Variants in DCAF6 observed in about 807,000 individuals in gnomAD.
DCAF6 encodes DDB1- and CUL4-associated factor 6.
DCAF6 carries 54 observed loss-of-function variants against 125.1 expected under a neutral mutation model. That is an observed-to-expected ratio of 0.43 (90% CI 0.35 to 0.54). The LOEUF is 0.54. DCAF6 is among the 20% of genes least tolerant of loss of function. The probability of loss-of-function intolerance (pLI) is 0.01; values close to 1 mark genes in which losing one functional copy is unlikely to be tolerated. For synonymous variants in DCAF6, 371 were observed against 390.4 expected (o/e 0.95, Z 0.58); for missense variants, 934 against 1,161.7 (o/e 0.80, Z 2.85).
the DCAF6 span, among the ~76,000 whole-genome samples, chr1:167,909,663 G>A: frequency 6.6e-6 from 1 of 152,062 alleles, no homozygotes; most frequent in Non-Finnish European, 1.5e-5. Context: ...CCGAAAGATT[G>A]GATACCCCTG....
At chr1:167,977,226 T>TA (rs1478907561) in intron 4 of DCAF6, among the ~76,000 whole-genome samples, 51 of 150,964 alleles carry the variant, frequency 3.4e-4, no homozygotes, top group Non-Finnish European at 6.3e-4. Context: ...TTTTTTTTTT[T>TA]ACATGAGAGT....
chr1:167,921,871 C>G, the DCAF6 span, among the ~76,000 whole-genome samples: 7 of 151,992 alleles, frequency 4.6e-5, no homozygotes, highest in Admixed American at 6.6e-5. Flanking sequence ...ATATTTATAT[C>G]CTTTAGGTTA....
chr1:167,880,183 G>A, the DCAF6 span: 2 of 1,612,794 alleles, frequency 1.2e-6, no homozygotes, highest in South Asian at 1.1e-5. Context: ...AACACCGATG[G>A]ATACAGTTCT....
At chr1:167,880,872 A>G in the DCAF6 span, among the ~76,000 whole-genome samples, 1 of 151,998 alleles carries the variant, frequency 6.6e-6, no homozygotes, top group South Asian at 2.1e-4. Context: ...GCTTCGGCCT[A>G]CTCTCTCCTG....
Position 168,045,118 on chromosome 1 carries a change from G to C in DCAF6, c.2149G>C (p.Ala717Pro). 1.2e-6 allele frequency: 2 copies of C among 1,613,998 alleles called. No individual in the cohort carries two copies. The highest frequency in any genetic ancestry group is 1.7e-6 in the Non-Finnish European group (2 of 1,179,936). ...CCAAACAGAAGCCACTGGGCCTTCAGCTCATGAAGAAACATCCACCAGGGA... is the reference window on the plus strand; with the variant it reads ...CCAAACAGAAGCCACTGGGCCTTCACCTCATGAAGAAACATCCACCAGGGA... ...QFQTEATGPS[A>P]HEETSTRDSA... The change falls in exon 16 of 22, where the codon GCT (alanine) becomes CCT (proline). Residue 717 changes from alanine to proline, a missense_variant. By Grantham distance (27) the Ala-to-Pro change is conservative. Around this residue, in one of 5 missense-constraint regions of DCAF6, gnomAD observed 559 missense variants for 635.5 expected, o/e 0.88. Transcript: ENST00000367840.
the DCAF6 span, among the ~76,000 whole-genome samples, chr1:167,910,699 G>T: frequency 4.5e-3 from 686 of 152,266 alleles, 8 homozygotes; most frequent in East Asian, 0.056. Context: ...TGTTCCGTAG[G>T]CATGGGTGCT....
intron 21 of DCAF6, among the ~76,000 whole-genome samples, chr1:168,068,976 A>G (rs1692707286): frequency 6.6e-6 from 1 of 152,232 alleles, no homozygotes; most frequent in African/African-American, 2.4e-5. Flanking sequence ...AGTATCTGTT[A>G]TAAGCAGAAT....
the DCAF6 span, among the ~76,000 whole-genome samples, chr1:167,869,729 C>T: frequency 6.6e-6 from 1 of 152,206 alleles, no homozygotes; most frequent in African/African-American, 2.4e-5. Context: ...CAATCGATCA[C>T]GACCCTCTCA....
At chr1:168,042,999 A>C in intron 13 of DCAF6, 26 bp from the exon 14 acceptor site, 2 of 1,511,658 alleles carry the variant, frequency 1.3e-6, no homozygotes, top group Non-Finnish European at 1.8e-6. Flanking sequence ...TTCTTGGTGG[A>C]ATCACTTATC....
chr1:167,871,702 C>A, the DCAF6 span, among the ~76,000 whole-genome samples: 19 of 152,294 alleles, frequency 1.2e-4, no homozygotes, highest in African/African-American at 4.6e-4. Flanking sequence ...GTTGAAGGAC[C>A]ATTAATTCAA....
At position 167,987,481 on chromosome 1, in the gene DCAF6, C is replaced by T; in HGVS notation, c.439-14C>T. On this transcript the variant is annotated splice_polypyrimidine_tract_variant and intron_variant, in intron 4 of 21. Transcript: ENST00000367840. ...TGTTCGTATGATTATCTGCACTTTT[C>T]TTTTCATCTTCAGATTATGACTGTA... 7.7e-7 allele frequency: 1 copy of T among 1,295,152 alleles called. No homozygotes were observed. The highest frequency in any genetic ancestry group is 1.1e-6 in the Non-Finnish European group (1 of 899,882). 80.2% of individuals were successfully genotyped at this position (1,295,152 alleles called of 1,614,324 possible). A position where few individuals can be genotyped will look rare whatever the true frequency, so the allele number is the denominator to read the frequency against.
Position 168,038,327 on chromosome 1 carries a change from C to A in DCAF6, c.1610-44C>A, listed in dbSNP as rs759267481. On this transcript the variant is annotated intron_variant, in intron 12 of 21. Transcript: ENST00000367840. ...AATTTTAGGAAATGTCATCTTTTTA[C>A]TGGTTTCAGAGACTTTTTCAAATGT... 1.1e-5 allele frequency: 16 copies of A among 1,393,152 alleles called. No homozygotes were observed. The East Asian group carries it at 3.5e-4, about 30-fold the overall frequency. The allele number at this position is 1,393,152 out of a possible 1,614,324, so 86.3% of individuals were successfully genotyped here.
intron 2 of DCAF6, among the ~76,000 whole-genome samples, chr1:167,963,084 AC>A (rs1169514231): frequency 6.6e-6 from 1 of 151,830 alleles, no homozygotes; most frequent in Non-Finnish European, 1.5e-5. Context: ...ACATGGTGAA[AC>A]CCTGGCTCTA....
upstream of DCAF6, chr1:167,935,991 G>A: frequency 4.6e-6 from 3 of 647,964 alleles, no homozygotes; most frequent in South Asian, 1.9e-5. Context: ...TTCCCTGCCC[G>A]CTGTGAACCG....
chr1:168,022,718 G>A (rs1416938055), intron 11 of DCAF6, among the ~76,000 whole-genome samples: 1 of 152,200 alleles, frequency 6.6e-6, no homozygotes, highest in African/African-American at 2.4e-5. Flanking sequence ...CTTGCACCTT[G>A]TGCCTCTGGT....
In DCAF6 at chr1:168,044,679, G is replaced by T. The variant is rs1434123276; in HGVS notation, c.1930+8G>T. 1 of 1,595,630 alleles carries T rather than the reference G, an allele frequency of 6.3e-7. No individual in the cohort carries two copies. ...AGAACCATATCAATATAAGTGAGTT[G>T]CTCCCTTTAGATAATTGCTTTGTAT... is the stretch of plus-strand genomic sequence containing the variant. On this transcript the variant is annotated splice_region_variant and intron_variant, in intron 15 of 21. Transcript: ENST00000367840.
At chr1:167,879,636 G>C in the DCAF6 span, among the ~76,000 whole-genome samples, 1 of 152,052 alleles carries the variant, frequency 6.6e-6, no homozygotes, top group African/African-American at 2.4e-5. Context: ...CATATATTCA[G>C]TATTTTAGAT....
chr1:167,934,094 C>T (rs1670990374), upstream of DCAF6, among the ~76,000 whole-genome samples: 1 of 152,148 alleles, frequency 6.6e-6, no homozygotes, highest in African/African-American at 2.4e-5. Context: ...GTTAAAATAA[C>T]TGAACGAATC....
intron 12 of DCAF6, among the ~76,000 whole-genome samples, chr1:168,030,568 G>A (rs932926627): frequency 2.0e-5 from 3 of 152,162 alleles, no homozygotes; most frequent in Non-Finnish European, 4.4e-5. Context: ...TTTTGATCTG[G>A]TGATAAAAGT....
Sources: allele counts gnomAD v4.1 joint callset (sites outside exome capture counted in the v4.1 genomes callset), GRCh38; gene constraint gnomAD v4.1.1; regional missense constraint gnomAD v4.1.1; transcripts MANE v1.5; gene names NCBI Gene and HGNC (gene_info 2026-07-23, HGNC 2026-07-21).